WDPCP: variants seen among roughly 807,000 people sequenced by gnomAD.
WDPCP encodes the protein WD repeat-containing and planar cell polarity effector protein fritz homolog.
WDPCP carries 71 observed loss-of-function variants against 93.1 expected under a neutral mutation model. That is an observed-to-expected ratio of 0.76 (90% CI 0.63 to 0.93). The LOEUF (loss-of-function observed/expected upper bound fraction) is 0.93, where lower values mean the gene tolerates loss of function less well. Among genes scored for constraint, WDPCP ranks in the 40% least tolerant of loss-of-function variants. WDPCP has a pLI of 0.00. For synonymous variants in WDPCP, 315 were observed against 315.0 expected (o/e 1.00, Z 0.00); for missense variants, 844 against 887.4 (o/e 0.95, Z 0.62).
At chr2:63,176,630 A>G (rs1673829304) in intron 14 of WDPCP, among the ~76,000 whole-genome samples, 1 of 152,090 alleles carries the variant, frequency 6.6e-6, no homozygotes. Flanking sequence ...GGAGCTCTGT[A>G]TGTAGTCTAG....
intron 3 of WDPCP, among the ~76,000 whole-genome samples, chr2:63,618,688 ATT>A (rs112387422): frequency 3.5e-4 from 48 of 135,492 alleles, no homozygotes; most frequent in Admixed American, 3.0e-4. Context: ...TGGGATAGTA[ATT>A]TTTTTTTTTT....
chr2:63,281,395 T>G (rs1423845780), intron 13 of WDPCP, among the ~76,000 whole-genome samples: 6 of 152,174 alleles, frequency 3.9e-5, no homozygotes, highest in Non-Finnish European at 1.5e-5. Context: ...TGTAAACTAG[T>G]ACAACCACTG....
At chr2:63,260,372 G>T (rs1193454047) in intron 13 of WDPCP, among the ~76,000 whole-genome samples, 2 of 152,108 alleles carry the variant, frequency 1.3e-5, no homozygotes, top group East Asian at 3.9e-4. Flanking sequence ...TTACAGTGAA[G>T]AAATAAATAT....
intron 1 of WDPCP, among the ~76,000 whole-genome samples, chr2:63,503,621 G>A (rs1334863266): frequency 2.6e-5 from 4 of 151,774 alleles, no homozygotes; most frequent in Admixed American, 1.3e-4. Context: ...ACAATAAAAG[G>A]ACAAGGAAAA....
intron 1 of WDPCP, among the ~76,000 whole-genome samples, chr2:63,509,078 C>T (rs998964389): frequency 2.0e-5 from 3 of 152,082 alleles, no homozygotes; most frequent in Non-Finnish European, 2.9e-5. Flanking sequence ...CTGGACCAAG[C>T]GGACCTAATA....
At position 63,490,628 on chromosome 2, in the gene WDPCP, T is replaced by C. The variant is rs921090216; in HGVS notation, c.160+2228A>G. 1.1e-4 allele frequency among the ~76,000 whole-genome samples: 16 copies of C among 151,898 alleles called. 1 individual carries two copies. Among genetic ancestry groups the C allele is most frequent in the Admixed American group, 7.9e-4 (12 of 15,258 alleles). ...ATGGGTAGGCCCTGCAAAAATGCAG[T>C]TGGGGTTGAAGACTATTCTCATGGG... On this transcript the variant is annotated intron_variant, in intron 2 of 17. Transcript: ENST00000272321.
At chr2:63,192,099 GT>G (rs904812027) in intron 14 of WDPCP, among the ~76,000 whole-genome samples, 9 of 151,922 alleles carry the variant, frequency 5.9e-5, no homozygotes, top group Non-Finnish European at 1.0e-4. Flanking sequence ...CTCTTTCACT[GT>G]TTTTTTGCTA....
At chr2:63,662,639 C>CAGAGAG (rs3077036) in intron 2 of WDPCP, among the ~76,000 whole-genome samples, 2,732 of 147,168 alleles carry the variant, frequency 0.019, 39 homozygotes, top group Non-Finnish European at 0.016. Flanking sequence ...TCATCTCTTC[C>CAGAGAG]AGAGAGAGAG....
chr2:63,622,066 C>CTTTTTTTTTTTTTTTTTT (rs33925505), intron 3 of WDPCP: 2 of 529,132 alleles, frequency 3.8e-6, no homozygotes, highest in Non-Finnish European at 5.5e-6. Flanking sequence ...TTTCTTTTTT[C>CTTTTTTTTTTTTTTTTTT]TTTTTTTTTT....
intron 12 of WDPCP, among the ~76,000 whole-genome samples, chr2:63,330,336 T>C (rs116289294): frequency 0.015 from 2,273 of 152,310 alleles, 60 homozygotes; most frequent in African/African-American, 0.052. Flanking sequence ...TAATTAGTAA[T>C]GTCAAGCATC....
intron 9 of WDPCP, among the ~76,000 whole-genome samples, chr2:63,414,770 G>T (rs1575370368): frequency 6.6e-6 from 1 of 152,154 alleles, no homozygotes; most frequent in Non-Finnish European, 1.5e-5. Flanking sequence ...CAAATATGGT[G>T]CAGTGTATAC....
chr2:63,280,893 G>T (rs993394342), intron 13 of WDPCP, among the ~76,000 whole-genome samples: 2 of 152,072 alleles, frequency 1.3e-5, no homozygotes, highest in Admixed American at 6.5e-5. Flanking sequence ...TAACATCAGA[G>T]AAACCCTTCT....
In WDPCP at chr2:63,404,066, C is replaced by T. The variant is rs374807784; in HGVS notation, c.1417G>A (p.Val473Met). 6.2e-6 allele frequency: 10 copies of T among 1,613,958 alleles called. No individual in the cohort carries two copies. The African/African-American group carries it at 1.3e-4, about 22-fold the overall frequency. Residue 473 changes from valine (V) to methionine (M), a missense_variant, in exon 10 of 18, where the codon GTG (valine) becomes ATG (methionine). Val to Met is a conservative substitution (Grantham distance 21). Transcript: ENST00000272321. ...GACTTACCTAGTTTAAACAACAGCA[C>T]ACCCAAAGGTCCTCTTTCAAACCTG... ...FLRFERGPLG[V>M]LLFKLGVFTR...
intron 14 of WDPCP, among the ~76,000 whole-genome samples, chr2:63,230,602 T>TA (rs1402675777): frequency 6.6e-6 from 1 of 152,188 alleles, no homozygotes; most frequent in African/African-American, 2.4e-5. Context: ...GCACCTATTG[T>TA]TTCCTGACTT....
chr2:63,488,946 G>T (rs189038058), intron 2 of WDPCP, among the ~76,000 whole-genome samples: 4 of 152,130 alleles, frequency 2.6e-5, no homozygotes, highest in Admixed American at 2.6e-4. Flanking sequence ...CCTACAGTGG[G>T]TACCAGAGCT....
intron 9 of WDPCP, among the ~76,000 whole-genome samples, chr2:63,410,617 CCTACCAA>C (rs1694955104): frequency 6.6e-6 from 1 of 152,150 alleles, no homozygotes; most frequent in South Asian, 2.1e-4. Context: ...TAAGAACTCA[CCTACCAA>C]CTACCTGATG....
At chr2:63,413,362 A>G (rs62177834) in intron 9 of WDPCP, among the ~76,000 whole-genome samples, 38,485 of 152,130 alleles carry the variant, frequency 0.25, 5,808 homozygotes, top group East Asian at 0.65. Context: ...ACCTTGTACA[A>G]AAATCAACTC....
intron 13 of WDPCP, among the ~76,000 whole-genome samples, chr2:63,293,341 T>C (rs1157407838): frequency 3.3e-5 from 5 of 152,162 alleles, no homozygotes; most frequent in Admixed American, 2.6e-4. Flanking sequence ...GTATAATCTT[T>C]GGCCCACAGT....
rs568706163 is a variant in WDPCP, at chr2:63,126,140, G to T, written c.2191-4084C>A. On this transcript the variant is annotated intron_variant, in intron 17 of 17. Transcript: ENST00000272321. ...GTAGAGACAGGGTTTCACCATTTTG[G>T]CCAGGCTGGTCTTGAACTCCTGGCC... 7.3e-5 allele frequency among the ~76,000 whole-genome samples: 11 copies of T among 151,628 alleles called. No homozygotes were observed. The South Asian group carries it at 2.3e-3, about 32-fold the overall frequency.
Sources: gnomAD v4.1 joint callset for allele counts (sites outside exome capture counted in the v4.1 genomes callset) on GRCh38, gnomAD v4.1.1 for gene constraint, MANE v1.5 for transcripts, NCBI Gene and HGNC (gene_info 2026-07-23, HGNC 2026-07-21) for gene names.